Variants in ADD2 observed in about 807,000 individuals in gnomAD.
ADD2 encodes the protein adducin 2.
A neutral mutation model predicts 83.0 loss-of-function variants in ADD2; 23 were observed. The observed-to-expected ratio is 0.28, with a 90% CI of 0.20 to 0.39. The LOEUF (loss-of-function observed/expected upper bound fraction) is 0.39, where lower values mean the gene tolerates loss of function less well. Ranked by LOEUF, ADD2 falls within the 10% of genes least tolerant of loss-of-function variation. The pLI is 1.00. For synonymous variants in ADD2, 375 were observed against 375.4 expected (o/e 1.00, Z 0.01); for missense variants, 758 against 944.9 (o/e 0.80, Z 2.59).
At chr2:70,720,288 G>A (rs1672672373) in intron 1 of ADD2, among the ~76,000 whole-genome samples, 1 of 152,134 alleles carries the variant, frequency 6.6e-6, no homozygotes, top group Non-Finnish European at 1.5e-5. Context: ...AGTAGGCCCA[G>A]AGAGAGGAGA....
chr2:70,676,392 G>A lies in ADD2; in HGVS notation c.1593+404C>T. The A allele has an allele frequency of 3.5e-6, 4 of 1,139,736 alleles. No homozygotes were observed. Among genetic ancestry groups the A allele is most frequent in the Non-Finnish European group, 4.3e-6 (4 of 926,474 alleles). 70.6% of individuals were successfully genotyped at this position (1,139,736 alleles called of 1,614,324 possible). A position where few individuals can be genotyped will look rare whatever the true frequency, so the allele number is the denominator to read the frequency against. On this transcript the variant is annotated intron_variant, in intron 13 of 15. Coordinates refer to ENST00000264436, the MANE Select transcript of ADD2 (RefSeq NM_001617.4). This position sits in a 1 kb window ranked among gnomAD's most constrained non-coding sequence, Gnocchi z 4.8. ...CTTTCCAGAGCTCTGGTTGGATGAT[G>A]TCATACCAGGCTCAGAGGTCAGAGA...
In ADD2 at chr2:70,657,526, C is replaced by G. The variant is rs1675401830; in HGVS notation, c.*5899G>C. ...CAATCAATCACCCACAAAGCAGGAC[C>G]AACAGGTGTGAGGTGGAGTGGAAGT... On this transcript the variant is annotated 3_prime_UTR_variant, in exon 16 of 16. Coordinates refer to ENST00000264436, the MANE Select transcript of ADD2 (RefSeq NM_001617.4). 1 of 152,102 alleles carries G rather than the reference C, an allele frequency of 6.6e-6. No homozygotes were observed. Among genetic ancestry groups the G allele is most frequent in the Admixed American group, 6.5e-5 (1 of 15,270 alleles). 9.4% of individuals were successfully genotyped at this position (152,102 alleles called of 1,614,324 possible).
At chr2:70,668,936 A>T (rs1287400899) in intron 15 of ADD2, among the ~76,000 whole-genome samples, 1 of 152,226 alleles carries the variant, frequency 6.6e-6, no homozygotes, top group African/African-American at 2.4e-5. Flanking sequence ...CCTACATTCC[A>T]AATGCAAGGA....
chr2:70,703,222 G>C lies in ADD2; in HGVS notation c.322+1099C>G, dbSNP rs558821539. ...GAAAAGAAAACGAAAGAAAGAGAAA[G>C]AGAGAAAGAGAAAGAGAGAGAGAAA... On this transcript the variant is annotated intron_variant, in intron 4 of 15. Transcript: ENST00000264436. 3.0e-3 allele frequency among the ~76,000 whole-genome samples: 463 copies of C among 152,102 alleles called. 1 individual carries two copies. The highest frequency in any genetic ancestry group is 4.9e-3 in the Non-Finnish European group (335 of 67,986).
At chr2:70,744,384 AC>A (rs1674075129) in intron 1 of ADD2, among the ~76,000 whole-genome samples, 1 of 152,248 alleles carries the variant, frequency 6.6e-6, no homozygotes, top group Non-Finnish European at 1.5e-5. Flanking sequence ...ACGGTTCTGA[AC>A]TAAATTGTGT....
At chr2:70,680,556 G>T (rs1670405592) in intron 10 of ADD2, among the ~76,000 whole-genome samples, 1 of 152,100 alleles carries the variant, frequency 6.6e-6, no homozygotes, top group South Asian at 2.1e-4. Context: ...CCCCATTTTT[G>T]AAAGAAATCC....
chr2:70,741,838 T>C (rs1409402832), intron 1 of ADD2, among the ~76,000 whole-genome samples: 1 of 152,186 alleles, frequency 6.6e-6, no homozygotes. Context: ...TACTGCAGTA[T>C]AGGTTGGCCT....
At chr2:70,681,278 A>C (rs1205040674) in intron 10 of ADD2, among the ~76,000 whole-genome samples, 1 of 152,140 alleles carries the variant, frequency 6.6e-6, no homozygotes, top group Non-Finnish European at 1.5e-5. Context: ...GTGCACGAGG[A>C]CCATATTCCA....
Position 70,656,889 on chromosome 2 carries a change from C to T in ADD2, c.*6536G>A, listed in dbSNP as rs191193251. The T allele has an allele frequency of 4.6e-5, 7 of 152,244 alleles. No individual in the cohort carries two copies. The East Asian group carries it at 1.2e-3, about 25-fold the overall frequency. 9.4% of individuals were successfully genotyped at this position (152,244 alleles called of 1,614,324 possible). A position where few individuals can be genotyped will look rare whatever the true frequency, so the allele number is the denominator to read the frequency against. On this transcript the variant is annotated 3_prime_UTR_variant, in exon 16 of 16. Coordinates refer to ENST00000264436, the MANE Select transcript of ADD2 (RefSeq NM_001617.4). ...AGAGATGCCACCGCAGCATCACCGT[C>T]AGACACCAAAGCAGCAGGAGGGCTC...
At chr2:70,756,071 GAAAAAAAA>G (rs10549289) in intron 1 of ADD2, among the ~76,000 whole-genome samples, 1 of 117,436 alleles carries the variant, frequency 8.5e-6, no homozygotes, top group African/African-American at 2.8e-5. Context: ...GCAAAAAAAA[GAAAAAAAA>G]AAAAAAAAGA....
At chr2:70,747,049 G>A (rs1028610621) in intron 1 of ADD2, among the ~76,000 whole-genome samples, 7 of 133,858 alleles carry the variant, frequency 5.2e-5, no homozygotes, top group East Asian at 2.2e-4. Flanking sequence ...TCGCTCTGTC[G>A]CCCAGGCTGG....
At position 70,729,358 on chromosome 2, in the gene ADD2, TGTTG is replaced by T. The variant is rs539837652; in HGVS notation, c.-153-16178_-153-16175del. ...CTGAGCCACTTCCCCAAGCCTTGTT[TGTTG>T]GTTGGTTGGTTTTCAGCTCCTTCAT... On this transcript the variant is annotated intron_variant, in intron 1 of 15. Transcript: ENST00000264436. Among the ~76,000 whole-genome samples the T allele has an allele frequency of 1.3e-4, 20 of 152,320 alleles. No individual in the cohort carries two copies. The South Asian group carries it at 3.7e-3, about 28-fold the overall frequency.
intron 15 of ADD2, among the ~76,000 whole-genome samples, chr2:70,670,733 A>C (rs1669860705): frequency 6.6e-6 from 1 of 152,184 alleles, no homozygotes; most frequent in Non-Finnish European, 1.5e-5. Context: ...ATGGTGGGTC[A>C]GTTCTGTCTG....
At position 70,767,984 on chromosome 2, in the gene ADD2, A is replaced by G. The variant is rs115262291; in HGVS notation, c.-252T>C. The G allele has an allele frequency of 1.4e-3, 2,131 of 1,534,104 alleles. 22 individuals are homozygous for G. In the African/African-American group the frequency reaches 0.026, roughly 18 times the overall value. On this transcript the variant is annotated 5_prime_UTR_variant, in exon 1 of 16. Coordinates refer to ENST00000264436, the MANE Select transcript of ADD2 (RefSeq NM_001617.4). ...TGGGGTGCGCTTAAAAAATCCACCC[A>G]GCTAATCTGCAGGGCAGCGTTTTCT...
intron 9 of ADD2, among the ~76,000 whole-genome samples, chr2:70,684,740 G>A (rs1186009050): frequency 2.0e-5 from 3 of 152,226 alleles, no homozygotes; most frequent in African/African-American, 7.2e-5. Context: ...GCCAAGCACT[G>A]TGCAGGGGTG....
chr2:70,710,985 G>A (rs574921032), intron 2 of ADD2: 1 of 152,304 alleles, frequency 6.6e-6, no homozygotes, highest in South Asian at 2.1e-4. Context: ...CTAAATAACT[G>A]TAATTATGTG....
chr2:70,692,208 A>G lies in ADD2; in HGVS notation c.705+195T>C, dbSNP rs145027482. Among the ~76,000 whole-genome samples, 939 of 152,350 alleles carry G rather than the reference A, an allele frequency of 6.2e-3. 9 individuals are homozygous for G. Among genetic ancestry groups the G allele is most frequent in the African/African-American group, 0.021 (872 of 41,588 alleles). On this transcript the variant is annotated intron_variant, in intron 7 of 15. Transcript: ENST00000264436. ...ATGTGGGGGATGCGATGGAACAGAC[A>G]TTCCATGTCTTCACGTTATGCTATG...
At chr2:70,664,772 T>G (rs1345902885) in intron 15 of ADD2, among the ~76,000 whole-genome samples, 2 of 129,512 alleles carry the variant, frequency 1.5e-5, no homozygotes, top group African/African-American at 7.4e-5. Flanking sequence ...TGTGCAAGTG[T>G]GAGTGGGCAG....
intron 1 of ADD2, among the ~76,000 whole-genome samples, chr2:70,764,068 A>C (rs555078783): frequency 1.3e-5 from 2 of 151,592 alleles, no homozygotes; most frequent in Non-Finnish European, 2.9e-5. Context: ...TTGTATTTTT[A>C]GTAGAGATGG....
Sources: gnomAD v4.1 joint callset for allele counts (sites outside exome capture counted in the v4.1 genomes callset) on GRCh38, gnomAD v4.1.1 for gene constraint, Gnocchi (gnomAD v3.1) non-coding constraint, MANE v1.5 for transcripts, NCBI Gene and HGNC (gene_info 2026-07-23, HGNC 2026-07-21) for gene names.